SLIT3: variants seen among roughly 807,000 people sequenced by gnomAD.
SLIT3 encodes slit guidance ligand 3.
Under a neutral mutation model 184.0 loss-of-function variants are expected in SLIT3, and 68 were observed. The ratio of observed to expected loss-of-function variants is 0.37; its 90% CI spans 0.30 to 0.45. The LOEUF (loss-of-function observed/expected upper bound fraction) is 0.45, where lower values mean the gene tolerates loss of function less well. Among genes scored for constraint, SLIT3 ranks in the 20% least tolerant of loss-of-function variants. SLIT3 has a pLI of 1.00. For synonymous variants in SLIT3, 831 were observed against 828.6 expected (o/e 1.00, Z -0.05); for missense variants, 1,707 against 2,026.0 (o/e 0.84, Z 3.02).
intron 23 of SLIT3, among the ~76,000 whole-genome samples, chr5:168,719,501 G>C (rs1762867901): frequency 6.6e-6 from 1 of 152,100 alleles, no homozygotes; most frequent in East Asian, 1.9e-4. Flanking sequence ...ATACAAGTTA[G>C]GTTTATTTCT....
At chr5:168,858,778 G>T (rs564194389) in intron 5 of SLIT3, among the ~76,000 whole-genome samples, 2 of 152,186 alleles carry the variant, frequency 1.3e-5, no homozygotes, top group East Asian at 3.8e-4. Flanking sequence ...CAAAGGTTTC[G>T]ATTTTCCATC....
chr5:168,744,363 G>A (rs570899349), intron 20 of SLIT3, among the ~76,000 whole-genome samples: 47 of 152,208 alleles, frequency 3.1e-4, no homozygotes, highest in Non-Finnish European at 3.7e-4. Context: ...AAGTGCTGAC[G>A]GAGAAGCTGT....
intron 12 of SLIT3, among the ~76,000 whole-genome samples, chr5:168,785,600 T>C (rs1374605981): frequency 6.6e-6 from 1 of 152,194 alleles, no homozygotes. Context: ...TGTTTTTCTT[T>C]TTGTTGGATT....
chr5:168,926,869 AAAAC>A (rs1482914826), intron 4 of SLIT3, among the ~76,000 whole-genome samples: 2 of 152,240 alleles, frequency 1.3e-5, no homozygotes, highest in Admixed American at 1.3e-4. Flanking sequence ...TATCAAAAAA[AAAAC>A]AAGTGTTGTC....
chr5:168,810,699 C>A (rs1757132082), intron 8 of SLIT3, among the ~76,000 whole-genome samples: 1 of 152,176 alleles, frequency 6.6e-6, no homozygotes, highest in African/African-American at 2.4e-5. Context: ...AATTCCTAAC[C>A]TTCAGATGTC....
chr5:169,050,761 T>C (rs926824682), intron 4 of SLIT3, among the ~76,000 whole-genome samples: 1 of 151,596 alleles, frequency 6.6e-6, no homozygotes, highest in Non-Finnish European at 1.5e-5. Context: ...GTAGATTTCC[T>C]TTCTGAAGAG....
intron 4 of SLIT3, among the ~76,000 whole-genome samples, chr5:169,129,794 A>C (rs1761224073): frequency 1.3e-5 from 2 of 152,106 alleles, no homozygotes; most frequent in Admixed American, 6.6e-5. Flanking sequence ...TGTTAATAGT[A>C]ATATACAAAT....
At chr5:168,699,382 G>T (rs1158805240) in intron 27 of SLIT3, among the ~76,000 whole-genome samples, 1 of 152,190 alleles carries the variant, frequency 6.6e-6, no homozygotes, top group Non-Finnish European at 1.5e-5. Context: ...TTGGCATGGG[G>T]TGCCCCTGCC....
chr5:168,802,564 C>T (rs964089301), intron 9 of SLIT3, among the ~76,000 whole-genome samples: 7 of 152,182 alleles, frequency 4.6e-5, no homozygotes, highest in Admixed American at 1.3e-4. Flanking sequence ...AATACATTTG[C>T]ATGAAGATGA....
intron 32 of SLIT3, among the ~76,000 whole-genome samples, chr5:168,681,643 A>G (rs1286342908): frequency 2.0e-5 from 3 of 152,192 alleles, no homozygotes; most frequent in Non-Finnish European, 2.9e-5. Context: ...GCTTCTGGAC[A>G]GCAATTCTCT....
intron 4 of SLIT3, among the ~76,000 whole-genome samples, chr5:168,895,771 G>C (rs570044625): frequency 6.6e-6 from 1 of 152,318 alleles, no homozygotes; most frequent in East Asian, 1.9e-4. Context: ...AATAGATGCT[G>C]TTCTCTTGCT....
intron 6 of SLIT3, among the ~76,000 whole-genome samples, chr5:168,833,236 G>A (rs1757935390): frequency 6.6e-6 from 1 of 152,246 alleles, no homozygotes; most frequent in African/African-American, 2.4e-5. Flanking sequence ...AGTCGAAACT[G>A]AGCCACTTCA....
intron 4 of SLIT3, among the ~76,000 whole-genome samples, chr5:168,938,768 C>T (rs538487556): frequency 1.3e-5 from 2 of 152,010 alleles, no homozygotes; most frequent in Non-Finnish European, 2.9e-5. Flanking sequence ...GTAGGTGGGA[C>T]TACAGGTGTG....
chr5:168,822,983 A>C lies in SLIT3; in HGVS notation c.629+277T>G, dbSNP rs146498465. ...TTCTATCAGGACGGAAAACATGCAC[A>C]CAACACAGGAAGAATTCCCACAGTT... is the stretch of plus-strand genomic sequence containing the variant. On this transcript the variant is annotated intron_variant, in intron 7 of 35. Coordinates refer to ENST00000519560, the MANE Select transcript of SLIT3 (RefSeq NM_003062.4). Among the ~76,000 whole-genome samples, 300 of 152,358 alleles carry C rather than the reference A, an allele frequency of 2.0e-3. 2 individuals are homozygous for C. The highest frequency in any genetic ancestry group is 3.6e-3 in the Non-Finnish European group (247 of 68,028).
chr5:169,195,302 G>A (rs1290922244), intron 3 of SLIT3, among the ~76,000 whole-genome samples: 1 of 152,130 alleles, frequency 6.6e-6, no homozygotes, highest in Admixed American at 6.5e-5. Flanking sequence ...GCGACTAGAA[G>A]GAGGTCAAGC....
chr5:168,785,837 G>T, intron 12 of SLIT3, 70 bp downstream of exon 12: 1 of 1,140,124 alleles, frequency 8.8e-7, no homozygotes, highest in Non-Finnish European at 1.3e-6. Context: ...CCAGAGCATG[G>T]CTCAACGTTT....
At chr5:168,694,459 T>C (rs1278411561) in intron 28 of SLIT3, among the ~76,000 whole-genome samples, 1 of 152,222 alleles carries the variant, frequency 6.6e-6, no homozygotes, top group Non-Finnish European at 1.5e-5. Context: ...TAGTAGTCTG[T>C]ATACAGTAGG....
Position 169,282,844 on chromosome 5 carries a change from G to A in SLIT3, c.197+17669C>T, listed in dbSNP as rs562035422. Among the ~76,000 whole-genome samples the A allele has an allele frequency of 4.5e-3, 682 of 152,234 alleles. 1 individual carries two copies. The highest frequency in any genetic ancestry group is 6.1e-3 in the Non-Finnish European group (415 of 68,012). On this transcript the variant is annotated intron_variant, in intron 1 of 35. Transcript: ENST00000519560. ...CCCTATAATTTGAAGAATTTCTTGA[G>A]GTCAATTTTCTCAAACACTGCTGTA...
intron 4 of SLIT3, among the ~76,000 whole-genome samples, chr5:169,124,642 A>C (rs1561680909): frequency 6.6e-6 from 1 of 152,242 alleles, no homozygotes. Flanking sequence ...CTAAAGAAAG[A>C]AGTTAAATGT....
Sources: allele counts gnomAD v4.1 joint callset (sites outside exome capture counted in the v4.1 genomes callset), GRCh38; gene constraint gnomAD v4.1.1; transcripts MANE v1.5; gene names NCBI Gene and HGNC (gene_info 2026-07-23, HGNC 2026-07-21).